SAMD5: variants seen among roughly 807,000 people sequenced by gnomAD.
SAMD5 encodes sterile alpha motif domain containing 5, also known as sterile alpha motif domain-containing protein 5.
SAMD5 carries 13 observed loss-of-function variants against 11.3 expected under a neutral mutation model. The observed-to-expected ratio is 1.15, with a 90% CI of 0.75 to 1.83. SAMD5 has a LOEUF of 1.83. Among genes scored for constraint, SAMD5 ranks in the 40% most tolerant of loss-of-function variants. The pLI is 0.00. For missense variants in SAMD5, 255 were observed against 239.1 expected (o/e 1.07, Z -0.44); for synonymous variants, 129 against 111.3 (o/e 1.16, Z -1.00).
At chr6:147,776,240 A>T in the SAMD5 span, among the ~76,000 whole-genome samples, 1 of 152,324 alleles carries the variant, frequency 6.6e-6, no homozygotes, top group Non-Finnish European at 1.5e-5. Context: ...GGAAAATGTG[A>T]CAGGAAGCTA....
At chr6:147,738,261 G>T (rs2128460547), downstream of SAMD5, among the ~76,000 whole-genome samples, 1 of 152,294 alleles carries the variant, frequency 6.6e-6, no homozygotes, top group Non-Finnish European at 1.5e-5. Flanking sequence ...TTGAGTAATT[G>T]CCTGTTGGGT....
chr6:147,773,587 T>A, the SAMD5 span, among the ~76,000 whole-genome samples: 2 of 152,206 alleles, frequency 1.3e-5, no homozygotes, highest in Admixed American at 1.3e-4. Context: ...CAGATAGCTG[T>A]CTTCGTTTTG....
the SAMD5 span, among the ~76,000 whole-genome samples, chr6:147,822,988 T>C: frequency 6.7e-6 from 1 of 150,160 alleles, no homozygotes; most frequent in Non-Finnish European, 1.5e-5. Context: ...CTAATTTTTT[T>C]ATATTTTTGG....
the SAMD5 span, among the ~76,000 whole-genome samples, chr6:147,839,517 A>G: frequency 2.0e-4 from 30 of 152,150 alleles, no homozygotes; most frequent in Non-Finnish European, 4.0e-4. Flanking sequence ...GGGGGGGCTG[A>G]GGCAGGTGGA....
intron 1 of SAMD5, among the ~76,000 whole-genome samples, chr6:147,679,329 T>A (rs1790907895): frequency 6.6e-6 from 1 of 152,108 alleles, no homozygotes; most frequent in Admixed American, 6.5e-5. Flanking sequence ...ATGGCCAGAC[T>A]TTTTCATTTT....
chr6:147,750,649 G>T, the SAMD5 span, among the ~76,000 whole-genome samples: 84,220 of 152,064 alleles, frequency 0.55, 24,149 homozygotes, highest in Middle Eastern at 0.67. Flanking sequence ...ACTGGGCCCG[G>T]CACAGTGGCT....
intron 1 of SAMD5, among the ~76,000 whole-genome samples, chr6:147,677,379 G>A (rs560288837): frequency 3.9e-4 from 60 of 152,244 alleles, no homozygotes; most frequent in African/African-American, 1.4e-3. Context: ...ACAGCCCAGA[G>A]AACTGGGAAA....
chr6:147,944,124 C>G, the SAMD5 span, among the ~76,000 whole-genome samples: 5 of 152,196 alleles, frequency 3.3e-5, no homozygotes, highest in Non-Finnish European at 4.4e-5. Context: ...TTCCCTCCCC[C>G]TCTCTCACTC....
the SAMD5 span, among the ~76,000 whole-genome samples, chr6:147,880,095 T>C: frequency 9.9e-5 from 15 of 152,224 alleles, no homozygotes; most frequent in African/African-American, 3.6e-4. Context: ...TATTTAATCT[T>C]CATAAAAATC....
chr6:147,796,696 T>A, the SAMD5 span, among the ~76,000 whole-genome samples: 1 of 152,226 alleles, frequency 6.6e-6, no homozygotes, highest in Non-Finnish European at 1.5e-5. Flanking sequence ...TTCCTACCCA[T>A]GAGCATGGAA....
chr6:147,699,824 T>C (rs1299982971), intron 1 of SAMD5, among the ~76,000 whole-genome samples: 1 of 152,236 alleles, frequency 6.6e-6, no homozygotes, highest in Non-Finnish European at 1.5e-5. Context: ...ACTATGAAGC[T>C]GCTGTTTGAG....
At chr6:147,530,559 G>C (rs536432546) in intron 1 of SAMD5, among the ~76,000 whole-genome samples, 6 of 152,190 alleles carry the variant, frequency 3.9e-5, no homozygotes, top group African/African-American at 1.4e-4. Context: ...CCAAGTACCT[G>C]CCTCCTGAGC....
chr6:147,537,026 C>A (rs960674381), intron 1 of SAMD5, among the ~76,000 whole-genome samples: 4 of 152,070 alleles, frequency 2.6e-5, no homozygotes, highest in African/African-American at 9.7e-5. Flanking sequence ...CATTTTAGAG[C>A]AGCCACAGTT....
the SAMD5 span, among the ~76,000 whole-genome samples, chr6:147,893,899 A>G: frequency 3.9e-5 from 6 of 152,312 alleles, no homozygotes; most frequent in South Asian, 1.2e-3. Flanking sequence ...TTAGATAAAA[A>G]TGAATATATA....
intron 1 of SAMD5, among the ~76,000 whole-genome samples, chr6:147,523,938 A>G (rs923957548): frequency 6.6e-6 from 1 of 152,184 alleles, no homozygotes; most frequent in Non-Finnish European, 1.5e-5. Context: ...GGATATTCAT[A>G]TTGAACCCAT....
chr6:147,534,695 T>C (rs1788481691), intron 1 of SAMD5, among the ~76,000 whole-genome samples: 1 of 152,144 alleles, frequency 6.6e-6, no homozygotes, highest in Non-Finnish European at 1.5e-5. Flanking sequence ...GATGAGCCAG[T>C]TGATTGATCT....
the SAMD5 span, among the ~76,000 whole-genome samples, chr6:147,924,833 C>T: frequency 6.6e-6 from 1 of 151,290 alleles, no homozygotes. Context: ...ACTTCAGAAA[C>T]TAGAGCTGGG....
At chr6:147,743,870 G>A in the SAMD5 span, among the ~76,000 whole-genome samples, 1 of 152,184 alleles carries the variant, frequency 6.6e-6, no homozygotes, top group Non-Finnish European at 1.5e-5. Flanking sequence ...ACTTAATAGA[G>A]TCTGTCTACA....
At chr6:147,901,607 A>G in the SAMD5 span, among the ~76,000 whole-genome samples, 1 of 121,398 alleles carries the variant, frequency 8.2e-6, no homozygotes, top group African/African-American at 3.6e-5. Flanking sequence ...GTAGCCAGAA[A>G]TCTGCCAGTT....
Sources: allele counts gnomAD v4.1 joint callset (sites outside exome capture counted in the v4.1 genomes callset), GRCh38; gene constraint gnomAD v4.1.1; transcripts MANE v1.5; gene names NCBI Gene and HGNC (gene_info 2026-07-23, HGNC 2026-07-21).